Variants in WNT2B observed in about 807,000 individuals in gnomAD.
WNT2B encodes the protein Wnt family member 2B.
In WNT2B, 19 loss-of-function variants were observed where a neutral mutation model predicts 40.5. The observed-to-expected ratio is 0.47, with a 90% CI of 0.33 to 0.69. WNT2B has a LOEUF of 0.69. WNT2B is among the 30% of genes least tolerant of loss of function. WNT2B has a pLI of 0.02. For missense variants in WNT2B, 467 were observed against 556.4 expected (o/e 0.84, Z 1.62); for synonymous variants, 220 against 211.9 (o/e 1.04, Z -0.33).
chr1:112,473,134 A>G (rs1202442857), intron 1 of WNT2B, among the ~76,000 whole-genome samples: 1 of 13,928 alleles, frequency 7.2e-5, no homozygotes, highest in Non-Finnish European at 1.3e-4. Flanking sequence ...AAAAAGAGAA[A>G]GAAAGAAGAA....
At chr1:112,516,078 C>T in intron 2 of WNT2B, 62 bp from the exon 3 acceptor site, 2 of 1,551,926 alleles carry the variant, frequency 1.3e-6, no homozygotes, top group Non-Finnish European at 1.7e-6. Flanking sequence ...GTTGTATGGG[C>T]TGAAGAAGGG....
intron 1 of WNT2B, among the ~76,000 whole-genome samples, chr1:112,512,398 T>TAGA (rs1652386954): frequency 6.6e-6 from 1 of 152,230 alleles, no homozygotes; most frequent in African/African-American, 2.4e-5. Context: ...CAGATTCTGT[T>TAGA]ACGGTAGGCC....
Position 112,509,051 on chromosome 1 carries a change from T to G in WNT2B, c.-212T>G. 7.4e-7 allele frequency: 1 copy of G among 1,355,528 alleles called. No homozygotes were observed. The highest frequency in any genetic ancestry group is 9.4e-7 in the Non-Finnish European group (1 of 1,063,574). 84.0% of individuals were successfully genotyped at this position (1,355,528 alleles called of 1,614,324 possible). A position where few individuals can be genotyped will look rare whatever the true frequency, so the allele number is the denominator to read the frequency against. On this transcript the variant is annotated 5_prime_UTR_variant, in exon 1 of 5. Transcript: ENST00000369684. The surrounding 1 kb of genome is among the most constrained non-coding windows in gnomAD (Gnocchi z 4.2). Reference sequence around the variant, plus strand: ...AGGCAGCGCGCCCCAGACCCCGGGTTCGGCACGCCGTCGTCGGCTTCCGGA... The same window carrying G: ...AGGCAGCGCGCCCCAGACCCCGGGTGCGGCACGCCGTCGTCGGCTTCCGGA...
At chr1:112,516,992 C>T (rs1034321491) in intron 3 of WNT2B, 129 bp from the exon 4 acceptor site, 17 of 1,264,702 alleles carry the variant, frequency 1.3e-5, no homozygotes, top group African/African-American at 9.0e-5. Context: ...GGGAGAGAAC[C>T]GAGAGCTCAA....
rs754683492 is a variant in WNT2B, at chr1:112,526,104, C to T, written c.*5595C>T. The T allele has an allele frequency of 1.9e-6, 3 of 1,614,100 alleles. No individual in the cohort carries two copies. Among genetic ancestry groups the T allele is most frequent in the Non-Finnish European group, 2.5e-6 (3 of 1,180,008 alleles). On this transcript the variant is annotated 3_prime_UTR_variant, in exon 5 of 5. Coordinates refer to ENST00000369684, the MANE Select transcript of WNT2B (RefSeq NM_024494.3). Reference sequence around the variant, plus strand: ...TGCCCAGGGTTGGGGGCACCAGAGTCCCAGCACCTTCAAAACAGAAATTGA... The same window carrying T: ...TGCCCAGGGTTGGGGGCACCAGAGTTCCAGCACCTTCAAAACAGAAATTGA...
intron 1 of WNT2B, among the ~76,000 whole-genome samples, chr1:112,479,630 A>G (rs950708949): frequency 2.0e-5 from 3 of 152,194 alleles, no homozygotes; most frequent in African/African-American, 7.2e-5. Context: ...GCAGCCAACA[A>G]GATCACAAAG....
intron 2 of WNT2B, 63 bp from the exon 3 acceptor site, chr1:112,516,077 G>T: frequency 6.4e-7 from 1 of 1,551,786 alleles, no homozygotes; most frequent in Non-Finnish European, 8.7e-7. Flanking sequence ...GGTTGTATGG[G>T]CTGAAGAAGG....
At chr1:112,495,966 G>A (rs1452294628) in intron 1 of WNT2B, among the ~76,000 whole-genome samples, 1 of 152,100 alleles carries the variant, frequency 6.6e-6, no homozygotes, top group African/African-American at 2.4e-5. Flanking sequence ...AACTCCCTCT[G>A]TGAAGCCCTT....
In WNT2B at chr1:112,515,048, C is replaced by G; in HGVS notation, c.357C>G (p.Thr119=). Residue 119 remains threonine, a synonymous_variant, in exon 2 of 5, where the codon ACC becomes ACG. Coordinates refer to ENST00000369684, the MANE Select transcript of WNT2B (RefSeq NM_024494.3). This position sits in a 1 kb window ranked among gnomAD's most constrained non-coding sequence, Gnocchi z 4.4. ...TCCGCCACCACCGCTGGAACTGTAC[C>G]ACCCTGGACCGGGACCACACCGTCT... ...HQFRHHRWNC[T]TLDRDHTVFG... is the part of the protein sequence containing the mutation. 2 of 1,614,202 alleles carry G rather than the reference C, an allele frequency of 1.2e-6. No individual in the cohort carries two copies. The highest frequency in any genetic ancestry group is 1.7e-6 in the Non-Finnish European group (2 of 1,180,038).
chr1:112,479,912 C>T (rs1166112178), intron 1 of WNT2B, among the ~76,000 whole-genome samples: 8 of 151,844 alleles, frequency 5.3e-5, no homozygotes, highest in Non-Finnish European at 7.4e-5. Context: ...CGGGGTTTCA[C>T]GGTGTTAGCC....
At chr1:112,486,727 C>G (rs910962609) in intron 1 of WNT2B, among the ~76,000 whole-genome samples, 1 of 151,186 alleles carries the variant, frequency 6.6e-6, no homozygotes, top group Non-Finnish European at 1.5e-5. Flanking sequence ...ATACAGTAGG[C>G]AAATGAAAAG....
At chr1:112,474,691 C>T (rs183904294) in intron 1 of WNT2B, among the ~76,000 whole-genome samples, 116 of 152,252 alleles carry the variant, frequency 7.6e-4, no homozygotes, top group African/African-American at 2.7e-3. Flanking sequence ...AAATGAGGAT[C>T]GTGTTATGGT....
upstream of WNT2B, chr1:112,508,751 G>A (rs2101080905): frequency 1.0e-6 from 1 of 986,488 alleles, no homozygotes. The surrounding 1 kb of genome is among the most constrained non-coding windows in gnomAD (Gnocchi z 4.2). Flanking sequence ...GCAGGAGGGA[G>A]CCGCGGCGTC....
intron 1 of WNT2B, among the ~76,000 whole-genome samples, chr1:112,491,875 A>C (rs1422346676): frequency 2.0e-5 from 3 of 152,168 alleles, no homozygotes; most frequent in Non-Finnish European, 2.9e-5. Context: ...TGGGTGACAG[A>C]GCAAGATCTT....
chr1:112,482,185 G>A (rs958871052), intron 1 of WNT2B, among the ~76,000 whole-genome samples: 26 of 151,352 alleles, frequency 1.7e-4, no homozygotes, highest in African/African-American at 5.8e-4. Context: ...TTTAAACGGT[G>A]GTGCATGCCT....
rs114183087 is a variant in WNT2B, at chr1:112,493,104, A to G, written c.-94-21770A>G. Among the ~76,000 whole-genome samples the G allele has an allele frequency of 9.0e-3, 1,366 of 152,310 alleles. 16 individuals are homozygous for G. Among genetic ancestry groups the G allele is most frequent in the African/African-American group, 0.031 (1,305 of 41,576 alleles). ...TGGAATTATCATACTGGGAATTTTTAAAAAACTGTGATCAATATGTTAAGA... is the reference window on the plus strand; with the variant it reads ...TGGAATTATCATACTGGGAATTTTTGAAAAACTGTGATCAATATGTTAAGA... On this transcript the variant is annotated intron_variant, in intron 1 of 4. Transcript: ENST00000256640.
intron 1 of WNT2B, among the ~76,000 whole-genome samples, chr1:112,497,371 G>A (rs351358): frequency 0.81 from 122,653 of 152,248 alleles, 49,514 homozygotes; most frequent in South Asian, 0.87. Flanking sequence ...TGCACTGTGC[G>A]TCCCTGCAGA....
intron 1 of WNT2B, among the ~76,000 whole-genome samples, chr1:112,477,769 C>A (rs1208792767): frequency 6.6e-6 from 1 of 151,890 alleles, no homozygotes; most frequent in African/African-American, 2.4e-5. Flanking sequence ...CAACAGCAGA[C>A]TTGATCAAGC....
chr1:112,497,394 T>C (rs544103458), intron 1 of WNT2B, among the ~76,000 whole-genome samples: 1 of 152,358 alleles, frequency 6.6e-6, no homozygotes, highest in East Asian at 1.9e-4. Context: ...TAGCACTACA[T>C]GGACGCTGCC....
Sources: allele counts gnomAD v4.1 joint callset (sites outside exome capture counted in the v4.1 genomes callset), GRCh38; gene constraint gnomAD v4.1.1; non-coding constraint Gnocchi (gnomAD v3.1); transcripts MANE v1.5; gene names NCBI Gene and HGNC (gene_info 2026-07-23, HGNC 2026-07-21).